The following PARD3B variants were observed in gnomAD, a reference collection of about 807,000 sequenced individuals.
PARD3B encodes the protein par-3 family cell polarity regulator beta, also known as partitioning defective 3 homolog B.
PARD3B carries 103 observed loss-of-function variants against 130.2 expected under a neutral mutation model. The ratio of observed to expected loss-of-function variants is 0.79; its 90% CI spans 0.67 to 0.93. The LOEUF (loss-of-function observed/expected upper bound fraction) is 0.93, where lower values mean the gene tolerates loss of function less well. Ranked by LOEUF, PARD3B falls within the 40% of genes least tolerant of loss-of-function variation. The pLI, the probability that PARD3B is intolerant of heterozygous loss-of-function variation, is 0.00. For missense variants in PARD3B, 1,609 were observed against 1,499.2 expected (o/e 1.07, Z -1.21); for synonymous variants, 583 against 553.2 (o/e 1.05, Z -0.76).
intron 21 of PARD3B, among the ~76,000 whole-genome samples, chr2:205,508,602 C>T (rs1575198311): frequency 6.6e-6 from 1 of 151,808 alleles, no homozygotes; most frequent in Non-Finnish European, 1.5e-5. Flanking sequence ...AAGTATGTGT[C>T]CATAGACTCC....
intron 3 of PARD3B, among the ~76,000 whole-genome samples, chr2:204,981,895 T>C (rs1037275843): frequency 2.0e-5 from 3 of 151,874 alleles, no homozygotes; most frequent in African/African-American, 7.3e-5. Context: ...AGGAAGGGAA[T>C]TTTGAGAAAA....
chr2:205,535,686 G>A (rs1449570821), intron 21 of PARD3B, among the ~76,000 whole-genome samples: 2 of 152,162 alleles, frequency 1.3e-5, no homozygotes, highest in Admixed American at 6.5e-5. Flanking sequence ...TCCCTATGAG[G>A]CAGTGAGTTC....
rs1253520715 is a variant in PARD3B at position 205,280,700 on chromosome 2, C to T, written c.2186-19830C>T. Among the ~76,000 whole-genome samples the T allele has an allele frequency of 1.3e-5, 2 of 152,112 alleles. No individual in the cohort carries two copies. The highest frequency in any genetic ancestry group is 2.9e-5 in the Non-Finnish European group (2 of 68,018). On this transcript the variant is annotated intron_variant, in intron 16 of 22. Transcript: ENST00000406610. This position sits in a 1 kb window ranked among gnomAD's most constrained non-coding sequence, Gnocchi z 4.7. ...ATAAAGTTAACACTTAGTTAATTAC[C>T]CAGAGCCTTGACATGTCCTATAATT...
At chr2:204,661,963 A>C (rs2125185208) in intron 1 of PARD3B, among the ~76,000 whole-genome samples, 1 of 152,290 alleles carries the variant, frequency 6.6e-6, no homozygotes, top group Middle Eastern at 3.4e-3. Flanking sequence ...CTTTTCAGGT[A>C]ATTTTGGGTA....
chr2:204,836,785 T>C (rs1467526358), intron 2 of PARD3B, among the ~76,000 whole-genome samples: 1 of 152,118 alleles, frequency 6.6e-6, no homozygotes, highest in Admixed American at 6.6e-5. Flanking sequence ...TATGAAGACA[T>C]GAAGAAAATA....
chr2:204,644,649 A>G lies in PARD3B; in HGVS notation c.121-41532A>G, dbSNP rs982839902. Among the ~76,000 whole-genome samples, 3 of 152,134 alleles carry G rather than the reference A, an allele frequency of 2.0e-5. No homozygotes were observed. In the East Asian group the frequency reaches 5.8e-4, roughly 29 times the overall value. On this transcript the variant is annotated intron_variant, in intron 1 of 22. Transcript: ENST00000406610. ...TATTAATGTATACTAATTTATTAAT[A>G]AAAGAAAATGTGTGTGGGGTCCCAC...
chr2:205,440,578 C>A lies in PARD3B; in HGVS notation c.2950C>A (p.Arg984=), dbSNP rs199699507. Residue 984 remains arginine, a synonymous_variant, in exon 20 of 23, where the codon CGG becomes AGG. Coordinates refer to ENST00000406610, the MANE Select transcript of PARD3B (RefSeq NM_001302769.2). This position sits in a 1 kb window ranked among gnomAD's most constrained non-coding sequence, Gnocchi z 4.2. ...PPRAGPFGYP[R]DGHPLSPERD... The stretch of plus-strand genomic sequence containing the variant: ...TCGAGCTGGACCATTTGGTTACCCT[C>A]GGGATGGCCATCCACTGTCTCCAGA... The A allele has an allele frequency of 2.5e-6, 4 of 1,614,008 alleles. No individual in the cohort carries two copies. The highest frequency in any genetic ancestry group is 1.7e-5 in the Admixed American group (1 of 60,022).
intron 15 of PARD3B, among the ~76,000 whole-genome samples, chr2:205,238,849 A>AAAAAAAAAATATATAT (rs1273582854): frequency 1.3e-5 from 1 of 76,916 alleles, no homozygotes; most frequent in Non-Finnish European, 2.3e-5. Flanking sequence ...AAAAAAAAAA[A>AAAAAAAAAATATATAT]ATATATATAT....
intron 1 of PARD3B, among the ~76,000 whole-genome samples, chr2:204,632,329 AG>A (rs1210789449): frequency 2.2e-4 from 33 of 152,234 alleles, no homozygotes; most frequent in African/African-American, 7.7e-4. Context: ...ACCCAGTCTC[AG>A]GCAGTTCTTT....
chr2:204,724,542 G>T (rs1034312124), intron 2 of PARD3B, among the ~76,000 whole-genome samples: 1 of 151,964 alleles, frequency 6.6e-6, no homozygotes, highest in Non-Finnish European at 1.5e-5. Flanking sequence ...GGGTGACCTC[G>T]GTCATCAGTG....
rs35190366 is a variant in PARD3B at position 204,653,785 on chromosome 2, C to CAA, written c.121-32377_121-32376dup. Among the ~76,000 whole-genome samples, 61 of 71,458 alleles carry CAA rather than the reference C, an allele frequency of 8.5e-4. 1 individual carries two copies. The highest frequency in any genetic ancestry group is 2.3e-3 in the African/African-American group (49 of 21,666). The allele number at this position is 71,458 out of a possible 152,430, so 46.9% of individuals were successfully genotyped here. A position where few individuals can be genotyped will look rare whatever the true frequency, so the allele number is the denominator to read the frequency against. ...TGGGTGATGGAGCAAGACTCTGTCT[C>CAA]AAAAAAAAAAAAAAAAAAAAGAAGT... is the stretch of plus-strand genomic sequence containing the variant. On this transcript the variant is annotated intron_variant, in intron 1 of 22. Transcript: ENST00000406610.
At chr2:204,696,699 A>G (rs1262836595) in intron 2 of PARD3B, among the ~76,000 whole-genome samples, 1 of 152,100 alleles carries the variant, frequency 6.6e-6, no homozygotes, top group African/African-American at 2.4e-5. Flanking sequence ...TCACATTTAG[A>G]AAGAAAGTGT....
intron 19 of PARD3B, among the ~76,000 whole-genome samples, chr2:205,420,872 T>C (rs1160283837): frequency 1.3e-5 from 2 of 152,144 alleles, no homozygotes; most frequent in Non-Finnish European, 2.9e-5. Context: ...GGCTGGGTGC[T>C]GTGGCTCACG....
chr2:205,219,487 T>C (rs2038122079), intron 15 of PARD3B, among the ~76,000 whole-genome samples: 1 of 152,194 alleles, frequency 6.6e-6, no homozygotes, highest in Admixed American at 6.5e-5. Context: ...TTTGCACAGT[T>C]TGCATATTAA....
At chr2:205,434,219 C>A (rs1432459664) in intron 19 of PARD3B, among the ~76,000 whole-genome samples, 1 of 152,090 alleles carries the variant, frequency 6.6e-6, no homozygotes, top group African/African-American at 2.4e-5. Flanking sequence ...TTTTAATTTG[C>A]ATTTCCCTGA....
rs2048424790 is a variant in PARD3B, at chr2:205,460,844, C to T, written c.3044+20172C>T. 6.6e-6 allele frequency among the ~76,000 whole-genome samples: 1 copy of T among 152,160 alleles called. No individual in the cohort carries two copies. The highest frequency in any genetic ancestry group is 2.4e-5 in the African/African-American group (1 of 41,522). ...TTCTACCACTATTGGTTGAAGTGCCCTTTATTTGACCCGTCAAATAGAGGA... is the reference window on the plus strand; with the variant it reads ...TTCTACCACTATTGGTTGAAGTGCCTTTTATTTGACCCGTCAAATAGAGGA... On this transcript the variant is annotated intron_variant, in intron 20 of 22. Transcript: ENST00000406610. This position sits in a 1 kb window ranked among gnomAD's most constrained non-coding sequence, Gnocchi z 4.9.
intron 3 of PARD3B, among the ~76,000 whole-genome samples, chr2:204,989,027 G>A (rs1693415259): frequency 6.6e-6 from 1 of 152,208 alleles, no homozygotes; most frequent in South Asian, 2.1e-4. Flanking sequence ...GCACAAGATA[G>A]CAGTGGTCTT....
chr2:204,665,454 G>A lies in PARD3B; in HGVS notation c.121-20727G>A, dbSNP rs1050184166. On this transcript the variant is annotated intron_variant, in intron 1 of 22. Transcript: ENST00000406610. Reference sequence around the variant, plus strand: ...GATTTTCTTATTTTAGAGGGAGTGAGTCACATTCCTCAACCAGTGGATGAA... The same window carrying A: ...GATTTTCTTATTTTAGAGGGAGTGAATCACATTCCTCAACCAGTGGATGAA... Among the ~76,000 whole-genome samples, 4 of 152,130 alleles carry A rather than the reference G, an allele frequency of 2.6e-5. 1 individual carries two copies. Among genetic ancestry groups the A allele is most frequent in the African/African-American group, 9.7e-5 (4 of 41,450 alleles).
intron 18 of PARD3B, among the ~76,000 whole-genome samples, chr2:205,323,476 G>T (rs566811509): frequency 1.1e-4 from 17 of 152,260 alleles, no homozygotes; most frequent in African/African-American, 4.1e-4. Context: ...TTTTAATTAT[G>T]AGTATGTGTA....
Sources: gnomAD v4.1 joint callset for allele counts (sites outside exome capture counted in the v4.1 genomes callset) on GRCh38, gnomAD v4.1.1 for gene constraint, Gnocchi (gnomAD v3.1) non-coding constraint, MANE v1.5 for transcripts, NCBI Gene and HGNC (gene_info 2026-07-23, HGNC 2026-07-21) for gene names.